FMN1: variants seen among roughly 807,000 people sequenced by gnomAD.
FMN1 encodes the protein formin-1.
In FMN1, 110 loss-of-function variants were observed where a neutral mutation model predicts 132.4. The observed-to-expected ratio is 0.83, with a 90% confidence interval of 0.71 to 0.97. The LOEUF (loss-of-function observed/expected upper bound fraction) is 0.97, where lower values mean the gene tolerates loss of function less well. FMN1 is among the 50% of genes least tolerant of loss of function. FMN1 has a pLI of 0.00. For missense variants in FMN1, 1,792 were observed against 1,705.3 expected (o/e 1.05, Z -0.90); for synonymous variants, 722 against 651.7 (o/e 1.11, Z -1.64).
intron 19 of FMN1, among the ~76,000 whole-genome samples, chr15:32,783,370 C>A (rs2056733826): frequency 6.6e-6 from 1 of 152,242 alleles, no homozygotes; most frequent in South Asian, 2.1e-4. Context: ...CTGCCAAAGA[C>A]TACTGAGGAA....
At chr15:32,847,706 T>G (rs907248532) in intron 17 of FMN1, among the ~76,000 whole-genome samples, 6 of 152,026 alleles carry the variant, frequency 3.9e-5, no homozygotes, top group African/African-American at 1.4e-4. Flanking sequence ...TTACAAAAAC[T>G]TAGCCAGGCG....
intron 17 of FMN1, among the ~76,000 whole-genome samples, chr15:32,848,794 T>C (rs972485703): frequency 2.0e-5 from 3 of 152,174 alleles, no homozygotes; most frequent in Admixed American, 1.3e-4. Context: ...CAAATCTGCA[T>C]ACGCCTATGA....
rs569968716 is a variant in FMN1, at chr15:33,128,500, A to C, written c.1867+24548T>G. Among the ~76,000 whole-genome samples, 7 of 152,306 alleles carry C rather than the reference A, an allele frequency of 4.6e-5. No individual in the cohort carries two copies. The East Asian group carries it at 1.3e-3, about 29-fold the overall frequency. ...TAAAAAGCCTCATGCAAGTTCTCAG[A>C]GTCATTACACTGAGAATGAAACAGC... On this transcript the variant is annotated intron_variant, in intron 4 of 20. Coordinates refer to ENST00000616417, the MANE Select transcript of FMN1 (RefSeq NM_001277313.2).
chr15:32,866,236 AG>A (rs68070905), intron 16 of FMN1, among the ~76,000 whole-genome samples: 47,364 of 141,762 alleles, frequency 0.33, 8,755 homozygotes, highest in African/African-American at 0.54. Context: ...ATAAAAAAAA[AG>A]AAAAAAGAAA....
intron 7 of FMN1, among the ~76,000 whole-genome samples, chr15:32,978,183 A>AT (rs1234471962): frequency 2.0e-5 from 3 of 152,142 alleles, no homozygotes; most frequent in Admixed American, 6.5e-5. Flanking sequence ...GTGATAGTTA[A>AT]TTACAAGTTT....
chr15:33,127,357 T>G (rs1270811950), intron 4 of FMN1, among the ~76,000 whole-genome samples: 1 of 146,034 alleles, frequency 6.8e-6, no homozygotes, highest in Non-Finnish European at 1.5e-5. Context: ...TCTAAATAAC[T>G]TGACTCTGTT....
chr15:32,876,714 T>C (rs1384588525), intron 16 of FMN1, among the ~76,000 whole-genome samples: 1 of 152,228 alleles, frequency 6.6e-6, no homozygotes, highest in Non-Finnish European at 1.5e-5. Context: ...ATGGTGATAT[T>C]TGCAAGAGTC....
intron 4 of FMN1, among the ~76,000 whole-genome samples, chr15:33,118,342 C>A (rs2468764): frequency 0.64 from 97,283 of 151,752 alleles, 33,066 homozygotes; most frequent in East Asian, 0.8. Context: ...TGATGATTGT[C>A]CAAACACAAA....
In FMN1 at chr15:32,981,563, T is replaced by C. The variant is rs77189088; in HGVS notation, c.2224-12086A>G. ...ATAATAATTATTATTATTATTATTA[T>C]TACATTCTGTGCTAACATAAGACTC... On this transcript the variant is annotated intron_variant, in intron 7 of 20. Transcript: ENST00000616417. 8.3e-3 allele frequency among the ~76,000 whole-genome samples: 1,219 copies of C among 147,214 alleles called. 20 individuals are homozygous for C. Among genetic ancestry groups the C allele is most frequent in the African/African-American group, 0.029 (1,175 of 39,858 alleles).
intron 17 of FMN1, among the ~76,000 whole-genome samples, chr15:32,832,872 C>G (rs114866352): frequency 6.7e-4 from 102 of 152,174 alleles, no homozygotes; most frequent in African/African-American, 2.3e-3. Context: ...CCTTTATGAC[C>G]CCGGGTTACC....
chr15:32,990,961 C>T (rs529211953), intron 7 of FMN1, among the ~76,000 whole-genome samples: 7 of 152,188 alleles, frequency 4.6e-5, no homozygotes, highest in South Asian at 4.2e-4. Flanking sequence ...ATGACACGTA[C>T]GGATTATGGG....
rs554579164 is a variant in FMN1 at position 32,832,704 on chromosome 15, G to A, written c.3928+24311C>T. Among the ~76,000 whole-genome samples the A allele has an allele frequency of 4.6e-5, 7 of 152,196 alleles. No individual in the cohort carries two copies. The South Asian group carries it at 1.5e-3, about 32-fold the overall frequency. ...GAGGCAGGGGAATCGCTTGAACCCG[G>A]GAGGTGGAGGTTGCAGTGAGCTGAG... On this transcript the variant is annotated intron_variant, in intron 17 of 20. Transcript: ENST00000616417.
chr15:33,017,189 G>C (rs1008219620), intron 6 of FMN1, among the ~76,000 whole-genome samples: 1 of 151,880 alleles, frequency 6.6e-6, no homozygotes, highest in Non-Finnish European at 1.5e-5. Context: ...GGAATCAGTG[G>C]AGCGACAGGG....
intron 6 of FMN1, among the ~76,000 whole-genome samples, chr15:33,046,754 C>G (rs1383054898): frequency 4.6e-5 from 7 of 152,020 alleles, no homozygotes; most frequent in African/African-American, 1.4e-4. Context: ...TCTGGTCTCT[C>G]TCTCTGTGCA....
At chr15:33,163,499 G>A (rs1249837345) in intron 3 of FMN1, among the ~76,000 whole-genome samples, 1 of 151,500 alleles carries the variant, frequency 6.6e-6, no homozygotes, top group Non-Finnish European at 1.5e-5. Context: ...TCTCCATGTT[G>A]GTCAGGCTAG....
chr15:32,988,834 T>TCC (rs146768728), intron 7 of FMN1, among the ~76,000 whole-genome samples: 1 of 152,192 alleles, frequency 6.6e-6, no homozygotes, highest in African/African-American at 2.4e-5. Flanking sequence ...ACCCTTTAGC[T>TCC]CCCCATCTAT....
chr15:32,908,199 T>C, intron 12 of FMN1: 1 of 279,378 alleles, frequency 3.6e-6, no homozygotes, highest in Non-Finnish European at 6.8e-6. Flanking sequence ...TCAGTTACCC[T>C]TTTGGTCAAA....
intron 17 of FMN1, among the ~76,000 whole-genome samples, chr15:32,836,246 C>A (rs1231860788): frequency 6.6e-6 from 1 of 152,142 alleles, no homozygotes; most frequent in Non-Finnish European, 1.5e-5. Context: ...TCCAAACAAA[C>A]CCAAACTCAT....
intron 15 of FMN1, among the ~76,000 whole-genome samples, chr15:32,896,576 T>C (rs2060162413): frequency 1.3e-5 from 2 of 152,162 alleles, no homozygotes; most frequent in Non-Finnish European, 2.9e-5. Context: ...CAATTCTCCA[T>C]TTCCCCATTC....
Sources: gnomAD v4.1 joint callset for allele counts (sites outside exome capture counted in the v4.1 genomes callset) on GRCh38, gnomAD v4.1.1 for gene constraint, MANE v1.5 for transcripts, NCBI Gene and HGNC (gene_info 2026-07-23, HGNC 2026-07-21) for gene names.